The following DCLK1 variants were observed in gnomAD, a reference collection of about 807,000 sequenced individuals.
DCLK1 encodes the protein doublecortin like kinase 1, also known as serine/threonine-protein kinase DCLK1.
In DCLK1, 16 loss-of-function variants were observed where a neutral mutation model predicts 86.2. The observed-to-expected ratio is 0.19, with a 90% CI of 0.13 to 0.28. DCLK1 has a LOEUF of 0.28. Ranked by LOEUF, DCLK1 falls within the 10% of genes least tolerant of loss-of-function variation. The probability of loss-of-function intolerance (pLI) is 1.00; values close to 1 mark genes in which losing one functional copy is unlikely to be tolerated. For missense variants in DCLK1, 590 were observed against 940.2 expected (o/e 0.63, Z 4.87); for synonymous variants, 369 against 370.5 (o/e 1.00, Z 0.05).
intron 4 of DCLK1, among the ~76,000 whole-genome samples, chr13:35,894,037 G>A (rs1873800065): frequency 6.6e-6 from 1 of 152,028 alleles, no homozygotes; most frequent in South Asian, 2.1e-4. Context: ...AAGCTTATAT[G>A]TATAAAGCGT....
At chr13:35,958,219 CCACCACTATAACCACCAT>C (rs1878215078) in intron 3 of DCLK1, among the ~76,000 whole-genome samples, 1 of 80,694 alleles carries the variant, frequency 1.2e-5, no homozygotes, top group Non-Finnish European at 2.7e-5. Flanking sequence ...ACCATCACCA[CCACCACTATAACCACCAT>C]CATCACCACC....
intron 4 of DCLK1, among the ~76,000 whole-genome samples, chr13:35,946,349 C>T (rs1421349285): frequency 6.6e-6 from 1 of 152,174 alleles, no homozygotes; most frequent in Admixed American, 6.5e-5. Context: ...TAAATGCATA[C>T]AACTGATAAT....
chr13:36,061,697 T>C (rs766112070), intron 3 of DCLK1, among the ~76,000 whole-genome samples: 5 of 152,178 alleles, frequency 3.3e-5, no homozygotes, highest in Non-Finnish European at 7.3e-5. Context: ...AATGACGAAG[T>C]GTGAATATAA....
intron 3 of DCLK1, among the ~76,000 whole-genome samples, chr13:35,968,350 G>A (rs373822615): frequency 4.6e-5 from 7 of 152,124 alleles, no homozygotes; most frequent in East Asian, 3.9e-4. Context: ...ACTTAATGCC[G>A]CAAAACTCAA....
chr13:35,777,650 C>T (rs548368505), intron 16 of DCLK1, among the ~76,000 whole-genome samples: 5 of 152,282 alleles, frequency 3.3e-5, no homozygotes, highest in African/African-American at 7.2e-5. Context: ...CCCGTGTACA[C>T]ATTCTGAATT....
intron 3 of DCLK1, among the ~76,000 whole-genome samples, chr13:35,968,210 T>A (rs1878878602): frequency 6.6e-6 from 1 of 152,132 alleles, no homozygotes; most frequent in Non-Finnish European, 1.5e-5. Context: ...AGAGGTGGAA[T>A]TACGGTTGCC....
At chr13:36,079,786 G>T (rs7331892) in intron 3 of DCLK1, among the ~76,000 whole-genome samples, 91,816 of 152,008 alleles carry the variant, frequency 0.6, 28,320 homozygotes, top group East Asian at 0.86. Flanking sequence ...CATCAATAGC[G>T]GAAGATATCC....
At chr13:36,077,644 T>C (rs1416797334) in intron 3 of DCLK1, among the ~76,000 whole-genome samples, 2 of 152,140 alleles carry the variant, frequency 1.3e-5, no homozygotes, top group African/African-American at 4.8e-5. Context: ...GAGAGCCAGA[T>C]GCAGTCAACA....
chr13:36,026,903 A>C (rs955106304), intron 3 of DCLK1, among the ~76,000 whole-genome samples: 5 of 152,172 alleles, frequency 3.3e-5, no homozygotes, highest in African/African-American at 1.2e-4. Flanking sequence ...TCCCTCATTA[A>C]TCCAAAACAA....
At chr13:36,112,292 C>T in intron 2 of DCLK1, 77 bp from the exon 3 acceptor site, 1 of 1,180,372 alleles carries the variant, frequency 8.5e-7, no homozygotes, top group Non-Finnish European at 1.1e-6. Context: ...CTCTCTTTTG[C>T]CTTTTCTGCT....
At chr13:35,784,793 C>T (rs1311527189) in intron 16 of DCLK1, among the ~76,000 whole-genome samples, 3 of 152,074 alleles carry the variant, frequency 2.0e-5, no homozygotes, top group African/African-American at 4.8e-5. Flanking sequence ...AACTAGCCAC[C>T]GAGCAACCTG....
At chr13:35,804,712 C>A in intron 15 of DCLK1, among the ~76,000 whole-genome samples, 1 of 152,254 alleles carries the variant, frequency 6.6e-6, no homozygotes, top group South Asian at 2.1e-4. Flanking sequence ...GGATTACAGG[C>A]GTGAGGCACT....
chr13:36,098,885 CA>C (rs1294044086), intron 3 of DCLK1, among the ~76,000 whole-genome samples: 1 of 151,960 alleles, frequency 6.6e-6, no homozygotes, highest in Non-Finnish European at 1.5e-5. Flanking sequence ...AAATATGCCA[CA>C]AGCTTAGAGT....
chr13:35,983,150 G>A (rs1273476441), intron 3 of DCLK1, among the ~76,000 whole-genome samples: 1 of 151,984 alleles, frequency 6.6e-6, no homozygotes, highest in Non-Finnish European at 1.5e-5. Flanking sequence ...TTTAGAGACA[G>A]GGTCTCACTG....
chr13:36,092,751 G>T (rs1593883200), intron 3 of DCLK1, among the ~76,000 whole-genome samples: 1 of 151,772 alleles, frequency 6.6e-6, no homozygotes, highest in East Asian at 2.0e-4. Context: ...CTCCCAAAGT[G>T]CTGGGATTAC....
intron 5 of DCLK1, among the ~76,000 whole-genome samples, chr13:35,858,631 A>C (rs1871217527): frequency 6.6e-6 from 1 of 152,102 alleles, no homozygotes; most frequent in Admixed American, 6.5e-5. Context: ...GGACACTCGG[A>C]TCTGCCTCCT....
intron 16 of DCLK1, among the ~76,000 whole-genome samples, chr13:35,786,635 C>T (rs2086627369): frequency 6.6e-6 from 1 of 152,086 alleles, no homozygotes; most frequent in Non-Finnish European, 1.5e-5. Context: ...GATAGGTGCA[C>T]TCTTCTGGAA....
intron 4 of DCLK1, among the ~76,000 whole-genome samples, chr13:35,883,115 C>A (rs1873018518): frequency 6.6e-6 from 1 of 152,122 alleles, no homozygotes. Context: ...TTGAAACAAC[C>A]AAGTGAGGGG....
chr13:35,853,592 G>C (rs1870820923), intron 6 of DCLK1, among the ~76,000 whole-genome samples: 1 of 152,144 alleles, frequency 6.6e-6, no homozygotes, highest in South Asian at 2.1e-4. Context: ...GTGGAACTCA[G>C]AAGTTTTGTT....
Sources: allele counts gnomAD v4.1 joint callset (sites outside exome capture counted in the v4.1 genomes callset), GRCh38; gene constraint gnomAD v4.1.1; transcripts MANE v1.5; gene names NCBI Gene and HGNC (gene_info 2026-07-23, HGNC 2026-07-21).